Variants in CEP170 observed in about 807,000 individuals in gnomAD.
CEP170 encodes centrosomal protein 170.
CEP170 carries 21 observed loss-of-function variants against 151.9 expected under a neutral mutation model. The observed-to-expected ratio is 0.14, with a 90% CI of 0.10 to 0.20. CEP170 has a LOEUF of 0.20. CEP170 is among the 10% of genes least tolerant of loss of function. The probability of loss-of-function intolerance (pLI) is 1.00; values close to 1 mark genes in which losing one functional copy is unlikely to be tolerated. For synonymous variants in CEP170, 356 were observed against 648.8 expected (o/e 0.55, Z 6.86); for missense variants, 964 against 1,892.9 (o/e 0.51, Z 9.11).
At position 243,124,928 on chromosome 1, in the gene CEP170, TTTTTACATCTC is replaced by T. The variant is rs1177812389; in HGVS notation, c.*1510_*1520del. The T allele has an allele frequency of 3.3e-5, 5 of 152,506 alleles. No homozygotes were observed. The highest frequency in any genetic ancestry group is 3.3e-4 in the Admixed American group (5 of 15,280). The allele number at this position is 152,506 out of a possible 1,614,324, so 9.4% of individuals were successfully genotyped here. A position where few individuals can be genotyped will look rare whatever the true frequency, so the allele number is the denominator to read the frequency against. ...AAATAGGAGATCCATTATAGTTTTGTTTTTACATCTCTATAAAGTTTTTTTGCATCTTTATT... is the reference window on the plus strand; with the variant it reads ...AAATAGGAGATCCATTATAGTTTTGTTATAAAGTTTTTTTGCATCTTTATT... On this transcript the variant is annotated 3_prime_UTR_variant, in exon 20 of 20. Coordinates refer to ENST00000366542, the MANE Select transcript of CEP170 (RefSeq NM_014812.3).
chr1:243,241,710 A>C (rs770234819), intron 1 of CEP170, among the ~76,000 whole-genome samples: 5 of 151,768 alleles, frequency 3.3e-5, no homozygotes, highest in Non-Finnish European at 5.9e-5. Context: ...GAATCCCTTG[A>C]ACCCGGGAGG....
intron 10 of CEP170, among the ~76,000 whole-genome samples, chr1:243,178,266 G>A (rs915455095): frequency 3.3e-5 from 4 of 120,590 alleles, no homozygotes; most frequent in Non-Finnish European, 4.8e-5. Flanking sequence ...CCGAGATCAC[G>A]CCACTGCACT....
chr1:243,170,742 C>A (rs1489484710), intron 11 of CEP170, among the ~76,000 whole-genome samples: 1 of 152,112 alleles, frequency 6.6e-6, no homozygotes, highest in Non-Finnish European at 1.5e-5. Context: ...TGCAGTGAGC[C>A]GAGATGGCAC....
intron 1 of CEP170, among the ~76,000 whole-genome samples, chr1:243,244,772 A>G (rs779648946): frequency 4.6e-5 from 7 of 152,084 alleles, no homozygotes; most frequent in Non-Finnish European, 1.0e-4. Flanking sequence ...AAGAAAGTAA[A>G]AACTCCGAAG....
chr1:243,127,636 TCGA>T (rs1186995138), intron 19 of CEP170, among the ~76,000 whole-genome samples: 10 of 152,036 alleles, frequency 6.6e-5, no homozygotes, highest in African/African-American at 2.4e-4. Context: ...CTATGATTAT[TCGA>T]TAGATAAAGA....
chr1:243,131,807 A>G (rs1375063723), intron 17 of CEP170, among the ~76,000 whole-genome samples: 3 of 152,204 alleles, frequency 2.0e-5, no homozygotes, highest in Non-Finnish European at 4.4e-5. Flanking sequence ...AAAATACATA[A>G]AATTCCAAAG....
chr1:243,143,514 GA>G (rs1307906053), intron 14 of CEP170, among the ~76,000 whole-genome samples: 1 of 152,062 alleles, frequency 6.6e-6, no homozygotes, highest in Non-Finnish European at 1.5e-5. Context: ...TTTTTTTTAA[GA>G]GGGACAAACT....
At chr1:243,255,583 T>C (rs2149236088), upstream of CEP170, among the ~76,000 whole-genome samples, 1 of 152,328 alleles carries the variant, frequency 6.6e-6, no homozygotes, top group South Asian at 2.1e-4. Context: ...CAATCTAGGC[T>C]GTTTGGAAGA....
chr1:243,172,049 G>A (rs1156901337), intron 11 of CEP170, among the ~76,000 whole-genome samples: 1 of 152,030 alleles, frequency 6.6e-6, no homozygotes, highest in East Asian at 1.9e-4. Flanking sequence ...ATGTTTCCTG[G>A]TATGATATAC....
In CEP170 at chr1:243,185,647, T is replaced by C. The variant is rs1468681412; in HGVS notation, c.1566+132A>G. The C allele has an allele frequency of 2.3e-6, 3 of 1,296,336 alleles. No homozygotes were observed. Among genetic ancestry groups the C allele is most frequent in the Non-Finnish European group, 3.2e-6 (3 of 943,362 alleles). The allele number at this position is 1,296,336 out of a possible 1,614,324, so 80.3% of individuals were successfully genotyped here. ...TTGGTCTTACTGTTAAGTCTTGCAG[T>C]TCCCTAACAAAACCCTAAAATTCAC... On this transcript the variant is annotated intron_variant, in intron 10 of 19. Coordinates refer to ENST00000366542, the MANE Select transcript of CEP170 (RefSeq NM_014812.3). This position sits in a 1 kb window ranked among gnomAD's most constrained non-coding sequence, Gnocchi z 4.9.
chr1:243,130,076 G>A (rs2054218332), intron 17 of CEP170, among the ~76,000 whole-genome samples: 1 of 152,042 alleles, frequency 6.6e-6, no homozygotes, highest in Non-Finnish European at 1.5e-5. Flanking sequence ...GGGTATCTTG[G>A]AACAACATGT....
At chr1:243,241,792 T>TA (rs34933017) in intron 1 of CEP170, among the ~76,000 whole-genome samples, 6,232 of 139,960 alleles carry the variant, frequency 0.045, 153 homozygotes, top group Non-Finnish European at 0.056. Context: ...TCCCTCTCAT[T>TA]AAAAAAAAAA....
At chr1:243,133,224 G>A (rs975845875) in intron 17 of CEP170, among the ~76,000 whole-genome samples, 1 of 152,118 alleles carries the variant, frequency 6.6e-6, no homozygotes, top group Non-Finnish European at 1.5e-5. Flanking sequence ...GGCTTCCATA[G>A]TAACCATCCT....
At chr1:243,231,804 A>G (rs931532783) in intron 1 of CEP170, among the ~76,000 whole-genome samples, 9 of 152,238 alleles carry the variant, frequency 5.9e-5, no homozygotes, top group African/African-American at 2.2e-4. Flanking sequence ...AAATACATCA[A>G]TGACAGAATT....
At chr1:243,208,115 C>T (rs2061539307) in intron 4 of CEP170, among the ~76,000 whole-genome samples, 1 of 151,990 alleles carries the variant, frequency 6.6e-6, no homozygotes, top group Admixed American at 6.6e-5. Context: ...TTGACTCTTT[C>T]TCTTACTCTA....
intron 14 of CEP170, among the ~76,000 whole-genome samples, chr1:243,151,157 G>A (rs530178936): frequency 7.9e-5 from 12 of 152,252 alleles, no homozygotes; most frequent in East Asian, 1.9e-4. Flanking sequence ...TTTCACAGCC[G>A]CAGTTCAACT....
At chr1:243,204,106 C>G (rs1572259875) in intron 4 of CEP170, among the ~76,000 whole-genome samples, 1 of 152,102 alleles carries the variant, frequency 6.6e-6, no homozygotes, top group East Asian at 1.9e-4. Context: ...AAATTTAGTT[C>G]TTTTAAGCTT....
chr1:243,133,971 T>A (rs2054728544), intron 17 of CEP170, among the ~76,000 whole-genome samples: 1 of 152,198 alleles, frequency 6.6e-6, no homozygotes, highest in Admixed American at 6.5e-5. Flanking sequence ...GCCTTAAAAT[T>A]TTTTAGTTAA....
intron 3 of CEP170, among the ~76,000 whole-genome samples, chr1:243,220,194 T>C (rs938091552): frequency 6.6e-6 from 1 of 152,194 alleles, no homozygotes; most frequent in Non-Finnish European, 1.5e-5. Flanking sequence ...TGTAAAACTT[T>C]TATAAATGGC....
Sources: gnomAD v4.1 joint callset for allele counts (sites outside exome capture counted in the v4.1 genomes callset) on GRCh38, gnomAD v4.1.1 for gene constraint, Gnocchi (gnomAD v3.1) non-coding constraint, MANE v1.5 for transcripts, NCBI Gene and HGNC (gene_info 2026-07-23, HGNC 2026-07-21) for gene names.